Variants in SLC9C2 observed in about 807,000 individuals in gnomAD.
SLC9C2 encodes the protein sodium/hydrogen exchanger 11.
SLC9C2 carries 75 observed loss-of-function variants against 140.2 expected under a neutral mutation model. The ratio of observed to expected loss-of-function variants is 0.53; its 90% CI spans 0.44 to 0.65. The LOEUF (loss-of-function observed/expected upper bound fraction) is 0.65, where lower values mean the gene tolerates loss of function less well. Among genes scored for constraint, SLC9C2 ranks in the 30% least tolerant of loss-of-function variants. The pLI is 0.00. For synonymous variants in SLC9C2, 375 were observed against 420.9 expected (o/e 0.89, Z 1.34); for missense variants, 1,074 against 1,331.8 (o/e 0.81, Z 3.01).
chr1:173,584,760 C>G (rs1349563205), intron 5 of SLC9C2, among the ~76,000 whole-genome samples: 1 of 151,988 alleles, frequency 6.6e-6, no homozygotes, highest in Non-Finnish European at 1.5e-5. Flanking sequence ...TTTGTTCCTC[C>G]CTCTCTTTTC....
intron 23 of SLC9C2, among the ~76,000 whole-genome samples, chr1:173,516,875 T>C (rs932049376): frequency 2.0e-5 from 3 of 152,238 alleles, no homozygotes; most frequent in Non-Finnish European, 2.9e-5. Context: ...CTTTAGGTCT[T>C]TGAGGAAACG....
chr1:173,547,744 G>C lies in SLC9C2; in HGVS notation c.1502C>G (p.Thr501Arg). ...TTCCTCCATTAAAGCTTCATCTGTT[G>C]TGGATTCTGTCTTCATATCATTATG... Reference protein sequence around the residue: ...VSHNDMKTESTTDEALMEEAR... With the variant: ...VSHNDMKTESRTDEALMEEAR... The change falls in exon 13 of 28, where the codon ACA (threonine) becomes AGA (arginine). Residue 501 changes from threonine to arginine, a missense_variant. Coordinates refer to ENST00000367714, the MANE Select transcript of SLC9C2 (RefSeq NM_178527.4). 1 of 1,612,428 alleles carries C rather than the reference G, an allele frequency of 6.2e-7. No individual in the cohort carries two copies. The highest frequency in any genetic ancestry group is 8.5e-7 in the Non-Finnish European group (1 of 1,178,836).
chr1:173,580,151 T>A (rs1170425868), intron 7 of SLC9C2, among the ~76,000 whole-genome samples: 1 of 115,328 alleles, frequency 8.7e-6, no homozygotes, highest in Non-Finnish European at 1.8e-5. Flanking sequence ...TGTTGCAGTG[T>A]CTTCCAATTT....
In SLC9C2 at chr1:173,581,307, G is replaced by A. The variant is rs527535166; in HGVS notation, c.802+540C>T. On this transcript the variant is annotated intron_variant, in intron 7 of 27. Transcript: ENST00000367714. Reference sequence around the variant, plus strand: ...TTTCATTGGACTAAACTAGCTGAAGGTCAGCCAGTGCTGAGCACTCTTACT... The same window carrying A: ...TTTCATTGGACTAAACTAGCTGAAGATCAGCCAGTGCTGAGCACTCTTACT... Among the ~76,000 whole-genome samples the A allele has an allele frequency of 6.4e-4, 98 of 152,280 alleles. 1 individual carries two copies. Among genetic ancestry groups the A allele is most frequent in the Admixed American group, 1.3e-3 (20 of 15,284 alleles).
intron 8 of SLC9C2, among the ~76,000 whole-genome samples, chr1:173,574,117 C>T (rs982909136): frequency 2.0e-5 from 3 of 147,784 alleles, no homozygotes; most frequent in South Asian, 2.1e-4. Context: ...TGTGGTAGCA[C>T]GCCTGGGTCA....
intron 2 of SLC9C2, 73 bp from the exon 3 acceptor site, chr1:173,600,290 A>T: frequency 9.8e-7 from 1 of 1,023,280 alleles, no homozygotes; most frequent in South Asian, 1.7e-5. Context: ...TCACTTTTGC[A>T]CCATCCCAAA....
At chr1:173,558,073 T>C (rs190840658) in intron 9 of SLC9C2, among the ~76,000 whole-genome samples, 89 of 152,300 alleles carry the variant, frequency 5.8e-4, no homozygotes, top group Middle Eastern at 3.4e-3. Context: ...AATCTATCAT[T>C]AAGGGACTGG....
chr1:173,534,932 G>A (rs1467680762), intron 15 of SLC9C2, among the ~76,000 whole-genome samples: 1 of 151,740 alleles, frequency 6.6e-6, no homozygotes, highest in African/African-American at 2.4e-5. Flanking sequence ...CAGTACCCTG[G>A]AAACAATGCA....
intron 23 of SLC9C2, among the ~76,000 whole-genome samples, chr1:173,510,288 T>G (rs775958301): frequency 3.9e-5 from 6 of 152,170 alleles, no homozygotes; most frequent in Non-Finnish European, 8.8e-5. Flanking sequence ...CTCCAAAGAT[T>G]GAGAATTCTT....
At chr1:173,510,924 A>G (rs1372607295) in intron 23 of SLC9C2, among the ~76,000 whole-genome samples, 1 of 151,936 alleles carries the variant, frequency 6.6e-6, no homozygotes, top group Admixed American at 6.6e-5. Flanking sequence ...GTCTTCCACA[A>G]TGGTTGAACT....
intron 18 of SLC9C2, among the ~76,000 whole-genome samples, chr1:173,527,467 C>T (rs1327909284): frequency 3.9e-5 from 6 of 152,160 alleles, no homozygotes; most frequent in Admixed American, 3.3e-4. Flanking sequence ...TGAGAAAATA[C>T]GATATTGATT....
chr1:173,501,243 G>T, intron 27 of SLC9C2, 146 bp from the exon 28 acceptor site: 1 of 786,334 alleles, frequency 1.3e-6, no homozygotes, highest in Non-Finnish European at 1.8e-6. Context: ...CATATGAAGA[G>T]TTTTGAGTGA....
chr1:173,588,677 T>C (rs1474433206), intron 4 of SLC9C2, among the ~76,000 whole-genome samples: 1 of 152,204 alleles, frequency 6.6e-6, no homozygotes, highest in African/African-American at 2.4e-5. Context: ...AAAATTTGTG[T>C]GGAATTGTTC....
chr1:173,540,054 T>C (rs1662266517), intron 13 of SLC9C2, among the ~76,000 whole-genome samples: 2 of 152,178 alleles, frequency 1.3e-5, no homozygotes, highest in Non-Finnish European at 2.9e-5. Context: ...AGTGACATTG[T>C]TCAGGCTCCA....
In SLC9C2 at chr1:173,534,579, G is replaced by GT. The variant is rs758823716; in HGVS notation, c.1878dup (p.His627ThrfsTer59). 1.6e-5 allele frequency: 25 copies of GT among 1,597,244 alleles called. No individual in the cohort carries two copies. Among genetic ancestry groups the GT allele is most frequent in the South Asian group, 1.1e-5 (1 of 87,444 alleles). ...AAACCTCTTGCCATTGGCCACAGATGTATTATCATAGGATAAATATATATC... is the reference window on the plus strand; with the variant it reads ...AAACCTCTTGCCATTGGCCACAGATGTTATTATCATAGGATAAATATATATC... On this transcript the variant is annotated frameshift_variant, in exon 16 of 28. Coordinates refer to ENST00000367714, the MANE Select transcript of SLC9C2 (RefSeq NM_178527.4). LOFTEE classifies it high-confidence loss of function.
intron 9 of SLC9C2, 125 bp downstream of exon 9, chr1:173,573,057 A>C: frequency 1.6e-6 from 1 of 627,482 alleles, no homozygotes. Flanking sequence ...CAAGGCCTTG[A>C]TAACAATGCC....
chr1:173,541,415 T>C (rs6425242), intron 13 of SLC9C2, among the ~76,000 whole-genome samples: 54,011 of 151,682 alleles, frequency 0.36, 12,067 homozygotes, highest in East Asian at 0.65. Context: ...TAATGGGAGA[T>C]TTTAACACCC....
rs866455639 is a variant in SLC9C2 at position 173,598,011 on chromosome 1, G to C, written c.250C>G (p.Leu84Val). 1.3e-5 allele frequency: 21 copies of C among 1,590,618 alleles called. No homozygotes were observed. Among genetic ancestry groups the C allele is most frequent in the Non-Finnish European group, 1.8e-5 (21 of 1,169,908 alleles). The change falls in exon 4 of 28, where the codon CTT (leucine) becomes GTT (valine). Residue 84 changes from leucine (L) to valine (V), a missense_variant. Transcript: ENST00000367714. ...AGTGAAAAACTTGATGTTCTTAGAA[G>C]AGGGTAGACAATTTGGTGCACCTAA... is the stretch of plus-strand genomic sequence containing the variant. ...SVEVHQIVYPLLRTSSFSLYS... is the reference protein window; with the variant it reads ...SVEVHQIVYPVLRTSSFSLYS...
In SLC9C2 at chr1:173,576,694, G is replaced by C; in HGVS notation, c.869C>G (p.Thr290Ser). ...TACAAGTTCGATCTTCGGTTTAAAA[G>C]TTAAAGAATCTAAATTCAGTCCTAC... ...AAVGLNLDSL[T>S]FKPKIELVIT... Residue 290 changes from threonine (T) to serine (S), a missense_variant, in exon 8 of 28, where the codon ACT becomes AGT. Coordinates refer to ENST00000367714, the MANE Select transcript of SLC9C2 (RefSeq NM_178527.4). 1 of 1,611,254 alleles carries C rather than the reference G, an allele frequency of 6.2e-7. No individual in the cohort carries two copies. Among genetic ancestry groups the C allele is most frequent in the Non-Finnish European group, 8.5e-7 (1 of 1,179,336 alleles).
Sources: gnomAD v4.1 joint callset for allele counts (sites outside exome capture counted in the v4.1 genomes callset) on GRCh38, gnomAD v4.1.1 for gene constraint, MANE v1.5 for transcripts, NCBI Gene and HGNC (gene_info 2026-07-23, HGNC 2026-07-21) for gene names.